MAGI1: variants seen among roughly 807,000 people sequenced by gnomAD.
MAGI1 encodes membrane-associated guanylate kinase, WW and PDZ domain-containing protein 1.
Under a neutral mutation model 139.9 loss-of-function variants are expected in MAGI1, and 58 were observed. The observed-to-expected ratio is 0.41, with a 90% CI of 0.34 to 0.52. The LOEUF (loss-of-function observed/expected upper bound fraction) is 0.52. Ranked by LOEUF, MAGI1 falls within the 20% of genes least tolerant of loss-of-function variation. The pLI is 0.12. For missense variants in MAGI1, 1,874 were observed against 1,901.6 expected, an observed-to-expected ratio of 0.99 and a Z score of 0.27; for synonymous variants, 812 against 737.9, an observed-to-expected ratio of 1.10 and a Z score of -1.63.
intron 21 of MAGI1, among the ~76,000 whole-genome samples, chr3:65,362,046 T>C (rs749637652): frequency 7.2e-5 from 11 of 152,330 alleles, no homozygotes; most frequent in Non-Finnish European, 1.5e-4. Flanking sequence ...CCCACTCAAA[T>C]AGAGCTTATA....
intron 1 of MAGI1, among the ~76,000 whole-genome samples, chr3:65,838,986 C>G (rs1214080681): frequency 6.6e-6 from 1 of 152,138 alleles, no homozygotes; most frequent in African/African-American, 2.4e-5. Context: ...TGTTGAACAT[C>G]TTTTTAAGTG....
intron 1 of MAGI1, among the ~76,000 whole-genome samples, chr3:65,700,471 A>G (rs2089519274): frequency 6.8e-6 from 1 of 147,336 alleles, no homozygotes; most frequent in African/African-American, 2.6e-5. Flanking sequence ...ATAAATAAAT[A>G]ATAATAATAA....
At chr3:65,588,257 T>G (rs1235485207) in intron 2 of MAGI1, among the ~76,000 whole-genome samples, 1 of 152,144 alleles carries the variant, frequency 6.6e-6, no homozygotes, top group Non-Finnish European at 1.5e-5. Context: ...TTTTCAAGAA[T>G]AGAGATAGCA....
intron 1 of MAGI1, among the ~76,000 whole-genome samples, chr3:65,702,232 C>T (rs2089665616): frequency 6.6e-6 from 1 of 152,120 alleles, no homozygotes. Context: ...CTTATAAGGC[C>T]TCACCCTAGT....
intron 16 of MAGI1, among the ~76,000 whole-genome samples, chr3:65,381,433 A>G (rs1396813051): frequency 1.3e-5 from 2 of 152,008 alleles, no homozygotes; most frequent in African/African-American, 4.8e-5. Flanking sequence ...AAAAAAAAAA[A>G]TCTTGGTTTA....
At chr3:65,530,624 GGTGTGTGTGTGTGTGTGTGT>G (rs57337916) in intron 2 of MAGI1, among the ~76,000 whole-genome samples, 4,204 of 129,262 alleles carry the variant, frequency 0.033, 330 homozygotes, top group African/African-American at 0.13. Flanking sequence ...ATGTGTGTGT[GGTGTGTGTGTGTGTGTGTGT>G]GTGTGTGTGT....
At chr3:65,592,362 G>T (rs763216632) in intron 2 of MAGI1, among the ~76,000 whole-genome samples, 2 of 152,148 alleles carry the variant, frequency 1.3e-5, no homozygotes, top group African/African-American at 2.4e-5. Flanking sequence ...GAACTAGCAT[G>T]CAAAGGGGAG....
chr3:65,888,227 A>G (rs2108558996), intron 1 of MAGI1, among the ~76,000 whole-genome samples: 1 of 152,330 alleles, frequency 6.6e-6, no homozygotes, highest in Non-Finnish European at 1.5e-5. Flanking sequence ...CCTAATGGTG[A>G]CAGGACTTAA....
chr3:65,932,234 A>G (rs901106995), intron 1 of MAGI1, among the ~76,000 whole-genome samples: 2 of 152,206 alleles, frequency 1.3e-5, no homozygotes, highest in African/African-American at 4.8e-5. Flanking sequence ...AATAATGCAA[A>G]CAAGGTCTGT....
intron 1 of MAGI1, among the ~76,000 whole-genome samples, chr3:65,964,856 A>G (rs2064657998): frequency 6.6e-6 from 1 of 152,184 alleles, no homozygotes; most frequent in Non-Finnish European, 1.5e-5. Flanking sequence ...CCCAAGTCCA[A>G]CAGATACACA....
chr3:65,518,749 T>C (rs2078012962), intron 2 of MAGI1, among the ~76,000 whole-genome samples: 1 of 149,644 alleles, frequency 6.7e-6, no homozygotes, highest in South Asian at 2.2e-4. Flanking sequence ...CCAAGTAATG[T>C]TGAAGACGGT....
chr3:65,759,511 T>C (rs1473403729), intron 1 of MAGI1, among the ~76,000 whole-genome samples: 3 of 151,748 alleles, frequency 2.0e-5, no homozygotes, highest in South Asian at 2.1e-4. Context: ...AACCAAAAGG[T>C]TGGGATAGAA....
At chr3:65,392,984 A>G (rs1385427173) in intron 13 of MAGI1, among the ~76,000 whole-genome samples, 1 of 152,180 alleles carries the variant, frequency 6.6e-6, no homozygotes, top group Non-Finnish European at 1.5e-5. Flanking sequence ...ATTCAAGGGG[A>G]AAAACATACA....
chr3:65,733,193 G>A (rs950558830), intron 1 of MAGI1, among the ~76,000 whole-genome samples: 6 of 152,062 alleles, frequency 3.9e-5, no homozygotes, highest in Admixed American at 3.9e-4. Flanking sequence ...CGAGTAGCTG[G>A]GATCACAGGC....
intron 2 of MAGI1, among the ~76,000 whole-genome samples, chr3:65,560,581 T>C (rs547696271): frequency 6.6e-6 from 1 of 152,320 alleles, no homozygotes; most frequent in East Asian, 1.9e-4. Flanking sequence ...ATTAATTTAA[T>C]GAAACTGGAG....
intron 1 of MAGI1, among the ~76,000 whole-genome samples, chr3:65,918,859 A>G (rs1173484655): frequency 6.6e-6 from 1 of 152,204 alleles, no homozygotes; most frequent in Non-Finnish European, 1.5e-5. Context: ...AATGCTTACA[A>G]AAAGTTAAGA....
At chr3:65,746,199 C>G (rs796489319) in intron 1 of MAGI1, among the ~76,000 whole-genome samples, 15 of 151,974 alleles carry the variant, frequency 9.9e-5, no homozygotes, top group African/African-American at 3.6e-4. Flanking sequence ...CCACGCCTGG[C>G]TAATTTTTGT....
rs779288471 is a variant in MAGI1 at position 66,037,999 on chromosome 3, G to C, written c.310C>G (p.Gln104Glu). 1.1e-5 allele frequency: 18 copies of C among 1,574,784 alleles called. 1 individual carries two copies. In the South Asian group the frequency reaches 2.1e-4, roughly 19 times the overall value. ...CCAAAGGCGCGCCCTGCCTTACCTTGTCTGACGGCCTTGAAGGTGACGGCC... is the reference window on the plus strand; with the variant it reads ...CCAAAGGCGCGCCCTGCCTTACCTTCTCTGACGGCCTTGAAGGTGACGGCC... ...KEAVTFKAVR[Q>E]GGRLNKDLRH... Residue 104 changes from glutamine to glutamate, a missense_variant, in exon 1 of 23, where the codon CAA (glutamine) becomes GAA (glutamate). Gln to Glu is a conservative substitution (Grantham distance 29, BLOSUM62 2). Around this residue, in one of 5 missense-constraint regions of MAGI1, gnomAD observed 648 missense variants for 598.1 expected, o/e 1.08. Coordinates refer to ENST00000402939, the MANE Select transcript of MAGI1 (RefSeq NM_001033057.2).
intron 1 of MAGI1, among the ~76,000 whole-genome samples, chr3:65,742,348 A>G (rs1208436451): frequency 6.6e-6 from 1 of 152,156 alleles, no homozygotes; most frequent in Non-Finnish European, 1.5e-5. Context: ...CTTTTTCCCC[A>G]TTATGAAAAT....
Sources: gnomAD v4.1 joint callset for allele counts (sites outside exome capture counted in the v4.1 genomes callset) on GRCh38, gnomAD v4.1.1 for gene constraint, gnomAD v4.1.1 regional missense constraint, MANE v1.5 for transcripts, NCBI Gene and HGNC (gene_info 2026-07-23, HGNC 2026-07-21) for gene names.